Variants in AFG1L observed in about 807,000 individuals in gnomAD.
AFG1L encodes AFG1 like ATPase, also known as AFG1-like ATPase.
Under a neutral mutation model 62.2 loss-of-function variants are expected in AFG1L, and 53 were observed. That is an observed-to-expected ratio of 0.85 (90% CI 0.68 to 1.07). AFG1L has a LOEUF of 1.07. Among genes scored for constraint, AFG1L ranks in the 50% least tolerant of loss-of-function variants. The probability of loss-of-function intolerance (pLI) is 0.00; values close to 1 mark genes in which losing one functional copy is unlikely to be tolerated. For missense variants in AFG1L, 555 were observed against 590.5 expected (o/e 0.94, Z 0.62); for synonymous variants, 228 against 210.3 (o/e 1.08, Z -0.73).
intron 7 of AFG1L, among the ~76,000 whole-genome samples, chr6:108,406,931 A>G (rs763328479): frequency 2.0e-5 from 3 of 152,112 alleles, no homozygotes; most frequent in Non-Finnish European, 2.9e-5. Context: ...TTCCCTATTC[A>G]GCCTCCATTG....
intron 8 of AFG1L, among the ~76,000 whole-genome samples, chr6:108,465,909 G>A (rs1365065278): frequency 1.3e-5 from 2 of 151,792 alleles, no homozygotes; most frequent in East Asian, 3.9e-4. Flanking sequence ...TTTTTAAAGT[G>A]TCACTATGTT....
At chr6:108,373,462 A>G (rs1780105285) in intron 6 of AFG1L, among the ~76,000 whole-genome samples, 1 of 152,090 alleles carries the variant, frequency 6.6e-6, no homozygotes, top group South Asian at 2.1e-4. Context: ...GGTTGATGCT[A>G]TGACTTTGCT....
At chr6:108,359,834 G>A (rs1182615597) in intron 5 of AFG1L, 1 of 152,232 alleles carries the variant, frequency 6.6e-6, no homozygotes, top group African/African-American at 2.4e-5. Flanking sequence ...CCATCCTGGA[G>A]TTTCAAGTAA....
intron 10 of AFG1L, among the ~76,000 whole-genome samples, chr6:108,495,202 T>A (rs958391119): frequency 1.3e-5 from 2 of 152,342 alleles, no homozygotes; most frequent in South Asian, 4.1e-4. Context: ...ATTCAAGCAT[T>A]TTCTATTAAA....
Position 108,353,181 on chromosome 6 carries a change from GTCTC to G in AFG1L, c.416-2467_416-2464del, listed in dbSNP as rs1314414518. Among the ~76,000 whole-genome samples, 9 of 141,842 alleles carry G rather than the reference GTCTC, an allele frequency of 6.3e-5. No individual in the cohort carries two copies. The South Asian group carries it at 1.7e-3, about 28-fold the overall frequency. 93.1% of individuals were successfully genotyped at this position (141,842 alleles called of 152,430 possible). A position where few individuals can be genotyped will look rare whatever the true frequency, so the allele number is the denominator to read the frequency against. On this transcript the variant is annotated intron_variant, in intron 3 of 12. Coordinates refer to ENST00000368977, the MANE Select transcript of AFG1L (RefSeq NM_145315.5). ...TTTTTTTTTTTTTTTTGGACACAAA[GTCTC>G]TCTCTGTTGCTTAGGCTGGAGTGCA...
chr6:108,413,528 C>T (rs1391802971), intron 7 of AFG1L, among the ~76,000 whole-genome samples: 5 of 152,140 alleles, frequency 3.3e-5, no homozygotes, highest in Admixed American at 3.3e-4. Context: ...TAAAGCACTC[C>T]TCAGCAAATG....
chr6:108,387,114 A>C (rs1780798099), intron 6 of AFG1L, among the ~76,000 whole-genome samples: 1 of 152,260 alleles, frequency 6.6e-6, no homozygotes, highest in South Asian at 2.1e-4. Flanking sequence ...CAGATAGATC[A>C]AAAGCAATTG....
chr6:108,424,474 C>G (rs187902234), intron 7 of AFG1L, among the ~76,000 whole-genome samples: 205 of 152,096 alleles, frequency 1.3e-3, no homozygotes, highest in African/African-American at 4.7e-3. Flanking sequence ...TAGATTTCAA[C>G]ATGCATTTAC....
rs193243342 is a variant in AFG1L, at chr6:108,519,823, A to G, written c.1317+13A>G. On this transcript the variant is annotated intron_variant, in intron 12 of 12. Transcript: ENST00000368977. ...GGGGCTGAGCCAGGTAGGCGATATTAACATAATCTCTTTTTATTATAAAAC... is the reference window on the plus strand; with the variant it reads ...GGGGCTGAGCCAGGTAGGCGATATTGACATAATCTCTTTTTATTATAAAAC... 5.4e-4 allele frequency: 806 copies of G among 1,503,546 alleles called. 3 individuals carry two copies. In the African/African-American group the frequency reaches 1.0e-2, roughly 19 times the overall value. The allele number at this position is 1,503,546 out of a possible 1,614,324, so 93.1% of individuals were successfully genotyped here.
chr6:108,331,925 C>G (rs1278096508), intron 2 of AFG1L, among the ~76,000 whole-genome samples: 1 of 152,140 alleles, frequency 6.6e-6, no homozygotes, highest in Admixed American at 6.6e-5. Flanking sequence ...TCCTTTTTCT[C>G]CTGCCCTCTA....
At position 108,434,835 on chromosome 6, in the gene AFG1L, A is replaced by G. The variant is rs546622224; in HGVS notation, c.808-12379A>G. Among the ~76,000 whole-genome samples, 3 of 152,186 alleles carry G rather than the reference A, an allele frequency of 2.0e-5. No individual in the cohort carries two copies. The South Asian group carries it at 6.2e-4, about 32-fold the overall frequency. On this transcript the variant is annotated intron_variant, in intron 7 of 12. Coordinates refer to ENST00000368977, the MANE Select transcript of AFG1L (RefSeq NM_145315.5). ...TCTGCATTCTTGCTATGCTGAACTA[A>G]TTTTAGATCCCCAATTCGCTAAGCT...
At chr6:108,378,202 G>A (rs765534127) in intron 6 of AFG1L, among the ~76,000 whole-genome samples, 1 of 151,492 alleles carries the variant, frequency 6.6e-6, no homozygotes, top group Non-Finnish European at 1.5e-5. Context: ...TTTTTGAGAT[G>A]TTTATCTCTT....
At chr6:108,398,806 A>G (rs1356521762) in intron 6 of AFG1L, among the ~76,000 whole-genome samples, 5 of 152,068 alleles carry the variant, frequency 3.3e-5, no homozygotes, top group African/African-American at 4.8e-5. Flanking sequence ...CTGTTGGTCT[A>G]TGTGTCTGTT....
At chr6:108,363,261 G>T (rs1779615440) in intron 5 of AFG1L, among the ~76,000 whole-genome samples, 1 of 151,974 alleles carries the variant, frequency 6.6e-6, no homozygotes, top group South Asian at 2.1e-4. Context: ...GTGTGTGCAG[G>T]TTTGTTATAT....
intron 6 of AFG1L, among the ~76,000 whole-genome samples, chr6:108,378,643 ATTTCTGAG>A (rs1400107761): frequency 6.6e-6 from 1 of 151,708 alleles, no homozygotes; most frequent in East Asian, 1.9e-4. Flanking sequence ...CTTATCTGTT[ATTTCTGAG>A]TTTCTATTTT....
intron 8 of AFG1L, among the ~76,000 whole-genome samples, chr6:108,471,401 A>G (rs1306115046): frequency 6.6e-6 from 1 of 151,628 alleles, no homozygotes; most frequent in Non-Finnish European, 1.5e-5. Context: ...CTCCTAAGAT[A>G]GTATTGGGCC....
chr6:108,324,531 G>A (rs187218468), intron 2 of AFG1L, among the ~76,000 whole-genome samples: 320 of 152,098 alleles, frequency 2.1e-3, no homozygotes, highest in African/African-American at 7.2e-3. Context: ...CTTTGTTGAG[G>A]GTCTTATTGG....
At chr6:108,483,235 TA>T (rs1773397654) in intron 10 of AFG1L, among the ~76,000 whole-genome samples, 1 of 152,214 alleles carries the variant, frequency 6.6e-6, no homozygotes, top group African/African-American at 2.4e-5. Flanking sequence ...TATTTTTTCA[TA>T]AAAATGTGAT....
At chr6:108,502,582 C>T (rs1184908730) in intron 10 of AFG1L, among the ~76,000 whole-genome samples, 3 of 151,992 alleles carry the variant, frequency 2.0e-5, no homozygotes, top group Admixed American at 6.6e-5. Context: ...TCAAGTGATC[C>T]GCCCACCTCG....
Sources: gnomAD v4.1 joint callset for allele counts (sites outside exome capture counted in the v4.1 genomes callset) on GRCh38, gnomAD v4.1.1 for gene constraint, MANE v1.5 for transcripts, NCBI Gene and HGNC (gene_info 2026-07-23, HGNC 2026-07-21) for gene names.